EXD2: variants seen among roughly 807,000 people sequenced by gnomAD.
EXD2 encodes the protein exonuclease 3'-5' domain containing 2.
In EXD2, 40 loss-of-function variants were observed where a neutral mutation model predicts 62.5. The observed-to-expected ratio is 0.64, with a 90% CI of 0.50 to 0.83. The LOEUF (loss-of-function observed/expected upper bound fraction) is 0.83, where lower values mean the gene tolerates loss of function less well. Ranked by LOEUF, EXD2 falls within the 40% of genes least tolerant of loss-of-function variation. EXD2 has a pLI of 0.00. For synonymous variants in EXD2, 239 were observed against 291.9 expected, an observed-to-expected ratio of 0.82 and a Z score of 1.85; for missense variants, 671 against 761.8, an observed-to-expected ratio of 0.88 and a Z score of 1.40.
intron 1 of EXD2, among the ~76,000 whole-genome samples, chr14:69,202,946 T>C (rs987704027): frequency 1.3e-5 from 2 of 152,226 alleles, no homozygotes; most frequent in African/African-American, 4.8e-5. Context: ...GACCCAACAA[T>C]GAGATTCTGT....
chr14:69,206,679 A>G (rs888568048), intron 2 of EXD2, among the ~76,000 whole-genome samples: 8 of 150,428 alleles, frequency 5.3e-5, no homozygotes, highest in African/African-American at 2.0e-4. Context: ...ATGGGGTTTC[A>G]CCATGTTGCC....
Position 69,242,348 on chromosome 14 carries a change from T to A in EXD2, c.*1248T>A, listed in dbSNP as rs1209202134. ...CTCTAAAATTAATAATAAAACTACTTGTAAGCACAAGGCTCACTGGATGTA... is the reference window on the plus strand; with the variant it reads ...CTCTAAAATTAATAATAAAACTACTAGTAAGCACAAGGCTCACTGGATGTA... On this transcript the variant is annotated 3_prime_UTR_variant, in exon 10 of 10. Transcript: ENST00000685843. The A allele has an allele frequency of 4.0e-6, 1 of 249,532 alleles. No homozygotes were observed. The highest frequency in any genetic ancestry group is 5.5e-5 in the Admixed American group (1 of 18,168). The allele number at this position is 249,532 out of a possible 1,614,324, so 15.5% of individuals were successfully genotyped here.
rs373683852 is a variant in EXD2 at position 69,234,806 on chromosome 14, G to A, written c.824G>A (p.Ser275Asn). 5.0e-6 allele frequency: 8 copies of A among 1,614,070 alleles called. No homozygotes were observed. The highest frequency in any genetic ancestry group is 6.8e-6 in the Non-Finnish European group (8 of 1,180,048). Residue 275 changes from serine (S) to asparagine (N), a missense_variant, in exon 6 of 10, where the codon AGT becomes AAT. Coordinates refer to ENST00000685843, the MANE Select transcript of EXD2 (RefSeq NM_001193360.2). ...NSPGEKNDDH[S>N]SWRKVLEKCQ... is the part of the protein sequence containing the mutation. ...CCTGGAGAAAAAAACGATGACCACAGTAGCTGGAGAAAAGTCTTGGAAAAA... is the reference window on the plus strand; with the variant it reads ...CCTGGAGAAAAAAACGATGACCACAATAGCTGGAGAAAAGTCTTGGAAAAA...
Position 69,234,682 on chromosome 14 carries a change from T to C in EXD2, c.718-18T>C, listed in dbSNP as rs774555740. The stretch of plus-strand genomic sequence containing the variant: ...GTTTGCCTTCCAGATTCCACTGATC[T>C]CTGACTTTTCTCTTCAGGTAATTTA... On this transcript the variant is annotated intron_variant, in intron 5 of 9. Coordinates refer to ENST00000685843, the MANE Select transcript of EXD2 (RefSeq NM_001193360.2). 6.3e-7 allele frequency: 1 copy of C among 1,591,324 alleles called. No homozygotes were observed. Among genetic ancestry groups the C allele is most frequent in the Non-Finnish European group, 8.5e-7 (1 of 1,169,634 alleles).
At chr14:69,210,484 A>G (rs1799831620) in intron 3 of EXD2, among the ~76,000 whole-genome samples, 1 of 152,148 alleles carries the variant, frequency 6.6e-6, no homozygotes, top group Admixed American at 6.5e-5. Context: ...GAGTTACATG[A>G]GTTTTTTGGT....
chr14:69,226,780 T>G (rs1035997096), intron 3 of EXD2, among the ~76,000 whole-genome samples: 5 of 152,038 alleles, frequency 3.3e-5, no homozygotes, highest in Admixed American at 6.5e-5. Context: ...CCAGTTTTTT[T>G]TTTTTTTTTT....
In EXD2 at chr14:69,196,748, C is replaced by G. The variant is rs2042218206; in HGVS notation, c.-132+5157C>G. Among the ~76,000 whole-genome samples, 3 of 151,846 alleles carry G rather than the reference C, an allele frequency of 2.0e-5. No individual in the cohort carries two copies. In the South Asian group the frequency reaches 6.2e-4, roughly 32 times the overall value. The stretch of plus-strand genomic sequence containing the variant: ...AAGCAATCCTCCTGCCTCAGCCTCC[C>G]AAGTAGCTAAGTCTATAGGCACACT... On this transcript the variant is annotated intron_variant, in intron 1 of 9. Coordinates refer to ENST00000685843, the MANE Select transcript of EXD2 (RefSeq NM_001193360.2).
chr14:69,220,264 T>G (rs1022233104), intron 3 of EXD2, among the ~76,000 whole-genome samples: 29 of 86,296 alleles, frequency 3.4e-4, no homozygotes, highest in Non-Finnish European at 6.4e-4. Flanking sequence ...TTTTTTTTTT[T>G]TTTTTTTTTT....
chr14:69,237,887 G>A lies in EXD2; in HGVS notation c.1605G>A (p.Val535=), dbSNP rs376323223. Residue 535 remains valine (V), a synonymous_variant, in exon 9 of 10, where the codon GTG becomes GTA. Coordinates refer to ENST00000685843, the MANE Select transcript of EXD2 (RefSeq NM_001193360.2). ...TCAGAGAGTTTTATAACACAGACGT[G>A]GTCACAGAGGAGATGCTTCAAGAGG... The part of the protein sequence containing the change: ...QALREFYNTD[V]VTEEMLQEAA... 1 of 1,591,818 alleles carries A rather than the reference G, an allele frequency of 6.3e-7. No homozygotes were observed. Among genetic ancestry groups the A allele is most frequent in the South Asian group, 1.1e-5 (1 of 86,992 alleles).
intron 5 of EXD2, among the ~76,000 whole-genome samples, chr14:69,233,521 G>T (rs887476221): frequency 1.3e-5 from 2 of 151,802 alleles, no homozygotes; most frequent in Non-Finnish European, 2.9e-5. Flanking sequence ...CTGCCTCCTG[G>T]GTTCAAGCCC....
intron 2 of EXD2, among the ~76,000 whole-genome samples, chr14:69,207,993 A>G (rs1478677348): frequency 6.6e-6 from 1 of 151,408 alleles, no homozygotes; most frequent in Non-Finnish European, 1.5e-5. Context: ...CCACCTCCCA[A>G]GTTCCAGCTA....
chr14:69,198,762 C>T (rs115001642), intron 1 of EXD2, among the ~76,000 whole-genome samples: 2,019 of 152,322 alleles, frequency 0.013, 42 homozygotes, highest in African/African-American at 0.047. Flanking sequence ...ATAGAGCACA[C>T]TTACACGAAC....
At chr14:69,218,929 A>G (rs2043075824) in intron 3 of EXD2, among the ~76,000 whole-genome samples, 1 of 152,176 alleles carries the variant, frequency 6.6e-6, no homozygotes, top group South Asian at 2.1e-4. Flanking sequence ...TATAGTTTGA[A>G]GTCAGGTAGC....
intron 1 of EXD2, among the ~76,000 whole-genome samples, chr14:69,193,726 CT>C (rs1327870134): frequency 5.9e-5 from 9 of 152,090 alleles, no homozygotes; most frequent in African/African-American, 2.2e-4. Flanking sequence ...ATTTATCAGT[CT>C]GTTATGTGTG....
Position 69,196,380 on chromosome 14 carries a change from A to T in EXD2, c.-132+4789A>T, listed in dbSNP as rs184540679. Among the ~76,000 whole-genome samples the T allele has an allele frequency of 6.6e-5, 10 of 152,342 alleles. No individual in the cohort carries two copies. In the South Asian group the frequency reaches 1.0e-3, roughly 16 times the overall value. ...ACGATTCAACTCATAACATACGGAT[A>T]TGCTACATTTTATTTATCTGTTCAT... On this transcript the variant is annotated intron_variant, in intron 1 of 9. Coordinates refer to ENST00000685843, the MANE Select transcript of EXD2 (RefSeq NM_001193360.2).
chr14:69,214,090 A>G (rs779674434), intron 3 of EXD2: 1 of 152,124 alleles, frequency 6.6e-6, no homozygotes, highest in Non-Finnish European at 1.5e-5. Context: ...TTGGCAGTTT[A>G]TCATTTTCAG....
intron 1 of EXD2, among the ~76,000 whole-genome samples, chr14:69,194,947 G>A (rs1370905256): frequency 1.3e-5 from 2 of 152,222 alleles, no homozygotes; most frequent in East Asian, 1.9e-4. Flanking sequence ...AGCCGGGCGC[G>A]GTGGCTTACG....
intron 3 of EXD2, among the ~76,000 whole-genome samples, chr14:69,215,652 C>T (rs2042965487): frequency 6.6e-6 from 1 of 151,964 alleles, no homozygotes; most frequent in Admixed American, 6.6e-5. Context: ...TTGGTACTGT[C>T]ATATTTTAAA....
rs116850207 is a variant in EXD2 at position 69,224,981 on chromosome 14, A to G, written c.334-3835A>G. ...CAACAGAGACTCCGTCTCAAAAAAA[A>G]AGAATAAAACGCAGATGTCTCAATT... On this transcript the variant is annotated intron_variant, in intron 3 of 9. Coordinates refer to ENST00000685843, the MANE Select transcript of EXD2 (RefSeq NM_001193360.2). Among the ~76,000 whole-genome samples, 98 of 152,296 alleles carry G rather than the reference A, an allele frequency of 6.4e-4. 2 individuals are homozygous for G. In the East Asian group the frequency reaches 0.013, roughly 20 times the overall value.
Sources: gnomAD v4.1 joint callset for allele counts (sites outside exome capture counted in the v4.1 genomes callset) on GRCh38, gnomAD v4.1.1 for gene constraint, MANE v1.5 for transcripts, NCBI Gene and HGNC (gene_info 2026-07-23, HGNC 2026-07-21) for gene names.